The following PTPRH variants were observed in gnomAD, a reference collection of about 807,000 sequenced individuals.
PTPRH encodes receptor-type tyrosine-protein phosphatase H.
PTPRH carries 113 observed loss-of-function variants against 130.2 expected under a neutral mutation model. That is an observed-to-expected ratio of 0.87 (90% CI 0.75 to 1.01). The LOEUF is 1.01. Among genes scored for constraint, PTPRH ranks in the 50% least tolerant of loss-of-function variants. PTPRH has a pLI of 0.00. For synonymous variants in PTPRH, 556 were observed against 577.9 expected (o/e 0.96, Z 0.54); for missense variants, 1,430 against 1,425.0 (o/e 1.00, Z -0.06).
rs185368271 is a variant in PTPRH at position 55,193,530 on chromosome 19, C to T, written c.2258-1789G>A. ...GGTGATTTTGCTCCCAAAGAGACACCGGGCAATGTCTGGAGACGCTTTTGG... is the reference window on the plus strand; with the variant it reads ...GGTGATTTTGCTCCCAAAGAGACACTGGGCAATGTCTGGAGACGCTTTTGG... On this transcript the variant is annotated intron_variant, in intron 10 of 19. Coordinates refer to ENST00000376350, the MANE Select transcript of PTPRH (RefSeq NM_002842.5). 7.2e-5 allele frequency among the ~76,000 whole-genome samples: 11 copies of T among 152,278 alleles called. No individual in the cohort carries two copies. The East Asian group carries it at 1.9e-3, about 27-fold the overall frequency.
At chr19:55,203,312 G>A (rs2086931217) in intron 5 of PTPRH, among the ~76,000 whole-genome samples, 1 of 140,120 alleles carries the variant, frequency 7.1e-6, no homozygotes, top group Admixed American at 7.3e-5. Flanking sequence ...GGGCGACAGA[G>A]GGAGACTCTG....
chr19:55,200,528 T>C (rs1466098113), intron 6 of PTPRH, 26 bp from the exon 7 acceptor site: 22 of 1,611,162 alleles, frequency 1.4e-5, no homozygotes, highest in East Asian at 2.2e-5. Flanking sequence ...GAAGATCCTA[T>C]GTTGTCGGAG....
At chr19:55,207,087 CG>C in intron 2 of PTPRH, 78 bp downstream of exon 2, 1 of 1,591,334 alleles carries the variant, frequency 6.3e-7, no homozygotes, top group Non-Finnish European at 8.6e-7. Flanking sequence ...CTGGACCCCA[CG>C]GGGACCCCCC....
rs74901631 is a variant in PTPRH, at chr19:55,186,463, C to T, written c.2643+1G>A. 14 of 1,608,926 alleles carry T rather than the reference C, an allele frequency of 8.7e-6. No individual in the cohort carries two copies. The highest frequency in any genetic ancestry group is 4.5e-5 in the East Asian group (2 of 44,610). ...CCTTTCAATCCCAACCACGACCTTA[C>T]GGGCATGAAGCTGGCATTGATGTAG... On this transcript the variant is annotated splice_donor_variant, in intron 15 of 19. Coordinates refer to ENST00000376350, the MANE Select transcript of PTPRH (RefSeq NM_002842.5). LOFTEE classifies it high-confidence loss of function.
intron 9 of PTPRH, 119 bp from the exon 10 acceptor site, chr19:55,196,907 C>T: frequency 2.3e-6 from 3 of 1,309,962 alleles, no homozygotes; most frequent in Non-Finnish European, 3.1e-6. Context: ...CAAACTACCT[C>T]ATCTTCCCTC....
chr19:55,197,010 G>A (rs1238577644), intron 9 of PTPRH, 107 bp downstream of exon 9: 3 of 1,409,664 alleles, frequency 2.1e-6, no homozygotes, highest in Non-Finnish European at 2.9e-6. Context: ...AGCTCATGAA[G>A]TCATGGCCTG....
intron 14 of PTPRH, 140 bp downstream of exon 14, chr19:55,187,373 A>G (rs2086388638): frequency 4.8e-6 from 2 of 415,542 alleles, no homozygotes; most frequent in African/African-American, 3.9e-5. Flanking sequence ...AAAAAAGAAA[A>G]AAAAAAAAGG....
intron 1 of PTPRH, among the ~76,000 whole-genome samples, chr19:55,208,478 A>G (rs1356186524): frequency 6.4e-4 from 1 of 1,560 alleles, no homozygotes; most frequent in Non-Finnish European, 1.5e-3. Context: ...CTGGGCCTGA[A>G]GGAGGAGGGA....
chr19:55,184,701 T>C (rs576838707), intron 18 of PTPRH, among the ~76,000 whole-genome samples: 2 of 151,754 alleles, frequency 1.3e-5, no homozygotes, highest in East Asian at 3.9e-4. Context: ...ACAGGAGAAT[T>C]GCTTGAACTC....
chr19:55,187,439 TA>T, intron 14 of PTPRH, 73 bp downstream of exon 14: 1 of 1,078,228 alleles, frequency 9.3e-7, no homozygotes, highest in Non-Finnish European at 1.3e-6. Flanking sequence ...TCAAAGCGGG[TA>T]GGAGAAGGGG....
intron 10 of PTPRH, chr19:55,194,182 C>G (rs1386185703): frequency 4.7e-6 from 6 of 1,289,204 alleles, no homozygotes; most frequent in Non-Finnish European, 6.1e-6. Context: ...CTCTCAGGCT[C>G]TGATGGCACA....
At chr19:55,204,375 G>C (rs1281845949) in intron 4 of PTPRH, among the ~76,000 whole-genome samples, 1 of 152,154 alleles carries the variant, frequency 6.6e-6, no homozygotes, top group African/African-American at 2.4e-5. Flanking sequence ...AAAGTGCTGG[G>C]ACTACAGGCG....
intron 16 of PTPRH, 32 bp from the exon 17 acceptor site, chr19:55,186,016 C>T: frequency 1.2e-6 from 2 of 1,613,706 alleles, no homozygotes; most frequent in Non-Finnish European, 1.7e-6. Context: ...GAGAACACAA[C>T]TCCTCTTACC....
chr19:55,191,727 C>T lies in PTPRH; in HGVS notation c.2272G>A (p.Ala758Thr). ...AGAAACAGGAGGATGCCCACAAAGG[C>T]TCCGGCAATGACCCCTGTGGGGAGG... ...HTESAGVIAG[A>T]FVGILLFLIL... Residue 758 changes from alanine to threonine, a missense_variant, in exon 11 of 20, where the codon GCC becomes ACC. Physicochemically the swap from Ala to Thr is moderately conservative, Grantham distance 58. Coordinates refer to ENST00000376350, the MANE Select transcript of PTPRH (RefSeq NM_002842.5). 1 of 1,614,008 alleles carries T rather than the reference C, an allele frequency of 6.2e-7. No individual in the cohort carries two copies. Among genetic ancestry groups the T allele is most frequent in the African/African-American group, 1.3e-5 (1 of 75,034 alleles).
chr19:55,191,636 G>A, intron 11 of PTPRH, 27 bp downstream of exon 11: 2 of 1,612,868 alleles, frequency 1.2e-6, no homozygotes, highest in Non-Finnish European at 1.7e-6. Flanking sequence ...CCACCCTCCA[G>A]GCGGTCAGCC....
At chr19:55,190,440 GTTTA>G (rs971038083) in intron 12 of PTPRH, among the ~76,000 whole-genome samples, 3 of 138,980 alleles carry the variant, frequency 2.2e-5, no homozygotes, top group African/African-American at 5.5e-5. Context: ...TTGTCTCCAA[GTTTA>G]TTTATATATT....
At chr19:55,191,391 A>T in intron 12 of PTPRH, 110 bp downstream of exon 12, 1 of 1,306,182 alleles carries the variant, frequency 7.7e-7, no homozygotes, top group Admixed American at 1.7e-5. Flanking sequence ...CCCTTCTGAG[A>T]CCTTTGTGGG....
chr19:55,201,215 T>TA (rs962464156), intron 6 of PTPRH, among the ~76,000 whole-genome samples: 11 of 151,536 alleles, frequency 7.3e-5, no homozygotes, highest in South Asian at 2.1e-4. Flanking sequence ...ACCTCATCTC[T>TA]AAAAAAAATA....
At chr19:55,193,780 G>A (rs1418352893) in intron 10 of PTPRH, among the ~76,000 whole-genome samples, 1 of 152,058 alleles carries the variant, frequency 6.6e-6, no homozygotes, top group Non-Finnish European at 1.5e-5. Context: ...CTTCTCAGAG[G>A]TCCTGCTGGC....
Sources: allele counts gnomAD v4.1 joint callset (sites outside exome capture counted in the v4.1 genomes callset), GRCh38; gene constraint gnomAD v4.1.1; transcripts MANE v1.5; gene names NCBI Gene and HGNC (gene_info 2026-07-23, HGNC 2026-07-21).